The following METTL15 variants were observed in gnomAD, a reference collection of about 807,000 sequenced individuals.
METTL15 encodes methyltransferase 15, mitochondrial 12S rRNA N4-cytidine, also known as 12S rRNA N(4)-cytidine methyltransferase METTL15.
A neutral mutation model predicts 38.3 loss-of-function variants in METTL15; 34 were observed. The observed-to-expected ratio is 0.89, with a 90% CI of 0.68 to 1.18. METTL15 has a LOEUF of 1.18. Among genes scored for constraint, METTL15 ranks in the 50% most tolerant of loss-of-function variants. METTL15 has a pLI of 0.00. For synonymous variants in METTL15, 162 were observed against 170.9 expected, an observed-to-expected ratio of 0.95 and a Z score of 0.41; for missense variants, 438 against 498.4, an observed-to-expected ratio of 0.88 and a Z score of 1.15.
At chr11:28,237,836 C>T (rs1481222001) in intron 4 of METTL15, among the ~76,000 whole-genome samples, 3 of 152,214 alleles carry the variant, frequency 2.0e-5, no homozygotes, top group Non-Finnish European at 4.4e-5. Context: ...GGACCCTCAG[C>T]TGCAGGTCTG....
At chr11:28,272,210 A>G (rs1373572435) in intron 4 of METTL15, among the ~76,000 whole-genome samples, 4 of 152,288 alleles carry the variant, frequency 2.6e-5, no homozygotes, top group Admixed American at 2.0e-4. Context: ...CAGCAATCCC[A>G]TTACTGGGTA....
downstream of METTL15, among the ~76,000 whole-genome samples, chr11:28,337,020 A>G (rs1179901582): frequency 6.6e-6 from 1 of 152,108 alleles, no homozygotes; most frequent in Non-Finnish European, 1.5e-5. Context: ...TCCTGACCCT[A>G]TGTACATCTA....
chr11:28,472,959 T>A (rs868607), intron 6 of METTL15, among the ~76,000 whole-genome samples: 79,906 of 151,896 alleles, frequency 0.53, 21,455 homozygotes, highest in East Asian at 0.74. Flanking sequence ...TAGGTCTAGG[T>A]CTGTTTCTCT....
intron 5 of METTL15, among the ~76,000 whole-genome samples, chr11:28,391,012 AT>A (rs1411502557): frequency 2.0e-5 from 3 of 152,170 alleles, no homozygotes; most frequent in Admixed American, 6.5e-5. Context: ...GAGTTCACTC[AT>A]GATTTGCCTC....
In METTL15 at chr11:28,237,440, C is replaced by T. The variant is rs552579934; in HGVS notation, c.407+26242C>T. ...TCTTCACGTAGTTCTCGAGCCTTGG[C>T]TTTCAGCTCCATCAGCTCCTTTAAG... On this transcript the variant is annotated intron_variant, in intron 4 of 6. Coordinates refer to ENST00000407364, the MANE Select transcript of METTL15 (RefSeq NM_001113528.2). Among the ~76,000 whole-genome samples the T allele has an allele frequency of 4.8e-3, 735 of 152,276 alleles. 6 individuals carry two copies. Among genetic ancestry groups the T allele is most frequent in the African/African-American group, 0.017 (687 of 41,570 alleles).
At chr11:28,407,713 G>A (rs1279993244) in intron 5 of METTL15, among the ~76,000 whole-genome samples, 1 of 152,178 alleles carries the variant, frequency 6.6e-6, no homozygotes, top group East Asian at 1.9e-4. Flanking sequence ...TGGTGGGAAT[G>A]TAAATTAGTT....
At chr11:28,140,091 G>A (rs531961669) in intron 3 of METTL15, among the ~76,000 whole-genome samples, 4 of 152,294 alleles carry the variant, frequency 2.6e-5, no homozygotes, top group South Asian at 4.1e-4. Flanking sequence ...GAGGATGGGT[G>A]CCTCCGCTTG....
At chr11:28,408,169 G>A (rs999342700) in intron 5 of METTL15, among the ~76,000 whole-genome samples, 1 of 152,096 alleles carries the variant, frequency 6.6e-6, no homozygotes, top group Non-Finnish European at 1.5e-5. Context: ...CAGGGGGTGG[G>A]GTGGGGGAAA....
chr11:28,418,464 G>T (rs1260469479), intron 5 of METTL15, among the ~76,000 whole-genome samples: 1 of 152,118 alleles, frequency 6.6e-6, no homozygotes, highest in African/African-American at 2.4e-5. Context: ...ATATTGACTA[G>T]AGGTTGGATG....
In METTL15 at chr11:28,150,194, A is replaced by G. The variant is rs1222061420; in HGVS notation, c.270+36590A>G. Among the ~76,000 whole-genome samples the G allele has an allele frequency of 2.0e-5, 3 of 152,106 alleles. No homozygotes were observed. In the East Asian group the frequency reaches 5.8e-4, roughly 29 times the overall value. On this transcript the variant is annotated intron_variant, in intron 3 of 6. Coordinates refer to ENST00000407364, the MANE Select transcript of METTL15 (RefSeq NM_001113528.2). ...GTCTTATTGTCAACAGAGTGGGGCT[A>G]AAAGATTTCCAAGATAACTTTCAAT... is the stretch of plus-strand genomic sequence containing the variant.
intron 6 of METTL15, among the ~76,000 whole-genome samples, chr11:28,498,925 G>A (rs186283630): frequency 1.2e-4 from 19 of 152,292 alleles, no homozygotes; most frequent in Admixed American, 1.2e-3. Context: ...ATTATAGGAG[G>A]AAGAAGAGAA....
intron 3 of METTL15, among the ~76,000 whole-genome samples, chr11:28,188,117 A>G (rs1382870264): frequency 6.6e-6 from 1 of 151,338 alleles, no homozygotes; most frequent in Non-Finnish European, 1.5e-5. Context: ...ATTTAAAAAT[A>G]TAGTGAATAT....
intron 3 of METTL15, among the ~76,000 whole-genome samples, chr11:28,142,938 T>C (rs904900030): frequency 6.6e-6 from 1 of 152,070 alleles, no homozygotes; most frequent in African/African-American, 2.4e-5. Flanking sequence ...GGTGGTAGTT[T>C]AGATAGAGTG....
intron 4 of METTL15, among the ~76,000 whole-genome samples, chr11:28,283,738 G>A (rs975623348): frequency 2.0e-5 from 3 of 152,112 alleles, no homozygotes; most frequent in African/African-American, 7.2e-5. Flanking sequence ...CTACTGCTGC[G>A]TCCGTTGACT....
intron 6 of METTL15, among the ~76,000 whole-genome samples, chr11:28,440,904 A>G (rs1851028437): frequency 6.6e-6 from 1 of 152,200 alleles, no homozygotes; most frequent in Non-Finnish European, 1.5e-5. Flanking sequence ...GCCACTACCC[A>G]TAGGTGGCCA....
chr11:28,440,239 G>A (rs976867581), intron 6 of METTL15, among the ~76,000 whole-genome samples: 1 of 152,070 alleles, frequency 6.6e-6, no homozygotes, highest in Non-Finnish European at 1.5e-5. Context: ...AGACCTAGAG[G>A]AGAAATGGTT....
chr11:28,497,863 A>T (rs1851548879), intron 6 of METTL15, among the ~76,000 whole-genome samples: 2 of 152,036 alleles, frequency 1.3e-5, no homozygotes, highest in African/African-American at 4.8e-5. Context: ...GATCAAGACC[A>T]GCCAATATGG....
intron 4 of METTL15, among the ~76,000 whole-genome samples, chr11:28,228,713 C>G (rs571989782): frequency 1.4e-3 from 211 of 152,006 alleles, no homozygotes; most frequent in African/African-American, 4.8e-3. Flanking sequence ...TGACTACATT[C>G]CACATATATT....
chr11:28,391,721 T>A (rs895244885), intron 5 of METTL15, among the ~76,000 whole-genome samples: 9 of 152,192 alleles, frequency 5.9e-5, no homozygotes, highest in African/African-American at 2.2e-4. Context: ...GGGAAAGGAT[T>A]CCCTATTTAA....
Sources: gnomAD v4.1 joint callset for allele counts (sites outside exome capture counted in the v4.1 genomes callset) on GRCh38, gnomAD v4.1.1 for gene constraint, MANE v1.5 for transcripts, NCBI Gene and HGNC (gene_info 2026-07-23, HGNC 2026-07-21) for gene names.